The following SATB2 variants were observed in gnomAD, a reference collection of about 807,000 sequenced individuals.
SATB2 encodes the protein SATB homeobox 2, also known as DNA-binding protein SATB2.
SATB2 carries 1 observed loss-of-function variant against 73.4 expected under a neutral mutation model. That is an observed-to-expected ratio of 0.01 (90% CI 0.00 to 0.06). The LOEUF (loss-of-function observed/expected upper bound fraction) is 0.06, where lower values mean the gene tolerates loss of function less well. SATB2 is among the 10% of genes least tolerant of loss of function. SATB2 has a pLI of 1.00. For missense variants in SATB2, 459 were observed against 945.8 expected (o/e 0.49, Z 6.75); for synonymous variants, 397 against 367.0 (o/e 1.08, Z -0.93).
At chr2:199,452,024 G>C (rs1375394527) in intron 2 of SATB2, among the ~76,000 whole-genome samples, 1 of 151,830 alleles carries the variant, frequency 6.6e-6, no homozygotes, top group African/African-American at 2.4e-5. Context: ...AAATAAGCAA[G>C]TTTTTTTAAT....
intron 6 of SATB2, among the ~76,000 whole-genome samples, chr2:199,352,692 G>T (rs1688854633): frequency 6.6e-6 from 1 of 152,142 alleles, no homozygotes; most frequent in African/African-American, 2.4e-5. Context: ...AGCTGCAGAA[G>T]AACTAGGTGG....
intron 6 of SATB2, among the ~76,000 whole-genome samples, chr2:199,366,974 G>A (rs1209983655): frequency 1.3e-5 from 2 of 151,974 alleles, no homozygotes; most frequent in African/African-American, 2.4e-5. Context: ...AGAGTGAAGA[G>A]TTTCCAATCT....
At chr2:199,461,284 T>C (rs979289953), upstream of SATB2, among the ~76,000 whole-genome samples, 14 of 152,362 alleles carry the variant, frequency 9.2e-5, no homozygotes, top group African/African-American at 3.4e-4. Context: ...AATTTTTGTA[T>C]TGACCTTATT....
At chr2:199,280,028 C>T (rs1012991683) in intron 10 of SATB2, among the ~76,000 whole-genome samples, 1 of 152,206 alleles carries the variant, frequency 6.6e-6, no homozygotes, top group Non-Finnish European at 1.5e-5. Flanking sequence ...GTAATCCCAG[C>T]TACTTGGGTG....
intron 3 of SATB2, among the ~76,000 whole-genome samples, chr2:199,387,653 A>T (rs1690002816): frequency 6.6e-6 from 1 of 152,198 alleles, no homozygotes; most frequent in South Asian, 2.1e-4. Flanking sequence ...AATTCATACA[A>T]ATGTTAACAT....
chr2:199,406,973 T>C (rs1359648427), intron 3 of SATB2, among the ~76,000 whole-genome samples: 3 of 152,134 alleles, frequency 2.0e-5, no homozygotes, highest in African/African-American at 4.8e-5. Context: ...TCTCAATTAA[T>C]CCTTAAAACT....
rs775411126 is a variant in SATB2 at position 199,349,117 on chromosome 2, T to C, written c.757A>G (p.Met253Val). 12 of 1,614,074 alleles carry C rather than the reference T, an allele frequency of 7.4e-6. No individual in the cohort carries two copies. Among genetic ancestry groups the C allele is most frequent in the East Asian group, 2.2e-5 (1 of 44,872 alleles). The part of the protein sequence containing the change: ...SDYCVLGQRP[M>V]HLPNMNQLAS... ...AGCTGGTTCATATTTGGTAAATGCA[T>C]TGGACGCTGGCCCAGAACACAATAG... The change falls in exon 7 of 11, where the codon ATG becomes GTG. Residue 253 changes from methionine to valine, a missense_variant. This residue lies in a region of SATB2 where 77 missense variants were observed against 90.4 expected (regional missense o/e 0.85). Transcript: ENST00000417098.
At chr2:199,460,778 A>G (rs1692457785), upstream of SATB2, among the ~76,000 whole-genome samples, 1 of 152,248 alleles carries the variant, frequency 6.6e-6, no homozygotes, top group East Asian at 1.9e-4. The surrounding 1 kb of genome is among the most constrained non-coding windows in gnomAD (Gnocchi z 4.0). Context: ...ACACGGCTGT[A>G]TTGTTAATCG....
At chr2:199,280,872 G>A (rs1692468359) in intron 10 of SATB2, among the ~76,000 whole-genome samples, 1 of 152,136 alleles carries the variant, frequency 6.6e-6, no homozygotes, top group African/African-American at 2.4e-5. Flanking sequence ...TTATTACCTT[G>A]TGAAGCATGT....
chr2:199,402,132 A>G (rs2105893650), intron 3 of SATB2, among the ~76,000 whole-genome samples: 1 of 152,254 alleles, frequency 6.6e-6, no homozygotes, highest in Non-Finnish European at 1.5e-5. Flanking sequence ...CACACCCGTA[A>G]TCCCAGCACT....
chr2:199,358,782 C>T (rs943250513), intron 6 of SATB2, among the ~76,000 whole-genome samples: 3 of 152,104 alleles, frequency 2.0e-5, no homozygotes, highest in East Asian at 1.9e-4. Context: ...AATGTGGACA[C>T]CTCTGTTTCT....
intron 3 of SATB2, among the ~76,000 whole-genome samples, chr2:199,402,095 A>T (rs1215315133): frequency 6.6e-6 from 1 of 152,084 alleles, no homozygotes; most frequent in Non-Finnish European, 1.5e-5. Flanking sequence ...TCAAGATTTG[A>T]TACATTATTG....
intron 9 of SATB2, among the ~76,000 whole-genome samples, chr2:199,320,690 C>T (rs1394164887): frequency 6.6e-6 from 1 of 152,116 alleles, no homozygotes; most frequent in Non-Finnish European, 1.5e-5. Context: ...TTTCTGAACC[C>T]CTATCCTTGC....
intron 10 of SATB2, among the ~76,000 whole-genome samples, chr2:199,273,728 T>G (rs901339241): frequency 7.2e-5 from 11 of 152,014 alleles, no homozygotes; most frequent in South Asian, 4.2e-4. Flanking sequence ...AATTTCTGGG[T>G]TTTTTTTCTC....
chr2:199,379,204 G>A (rs1397001952), intron 5 of SATB2, among the ~76,000 whole-genome samples: 1 of 152,108 alleles, frequency 6.6e-6, no homozygotes, highest in African/African-American at 2.4e-5. Flanking sequence ...GAACACAAAT[G>A]GAAAAGGCAG....
At chr2:199,381,905 T>A in intron 3 of SATB2, 85 bp from the exon 4 acceptor site, 1 of 1,469,620 alleles carries the variant, frequency 6.8e-7, no homozygotes, top group Non-Finnish European at 9.4e-7. Flanking sequence ...AGAAGGTCAT[T>A]CAATCATCAA....
chr2:199,289,215 AC>A (rs11321977), intron 10 of SATB2, among the ~76,000 whole-genome samples: 116,373 of 151,974 alleles, frequency 0.77, 47,113 homozygotes, highest in Non-Finnish European at 0.89. Flanking sequence ...GTATGGACAG[AC>A]TTTTGCTTCT....
upstream of SATB2, among the ~76,000 whole-genome samples, chr2:199,461,751 A>T (rs565030096): frequency 3.9e-5 from 6 of 152,312 alleles, no homozygotes. Flanking sequence ...CGGATTTGTT[A>T]TTTTAAAAAT....
rs1185831864 is a variant in SATB2 at position 199,420,743 on chromosome 2, T to C, written c.346+12595A>G. Among the ~76,000 whole-genome samples the C allele has an allele frequency of 6.6e-5, 10 of 152,134 alleles. No individual in the cohort carries two copies. In the East Asian group the frequency reaches 1.9e-3, roughly 29 times the overall value. ...TGCATTAGTTTGAAGTGCAAATGGG[T>C]GCATTTTAATATCTAGTGGGGGTCA... On this transcript the variant is annotated intron_variant, in intron 3 of 10. Transcript: ENST00000417098.
Sources: gnomAD v4.1 joint callset for allele counts (sites outside exome capture counted in the v4.1 genomes callset) on GRCh38, gnomAD v4.1.1 for gene constraint, gnomAD v4.1.1 regional missense constraint, Gnocchi (gnomAD v3.1) non-coding constraint, MANE v1.5 for transcripts, NCBI Gene and HGNC (gene_info 2026-07-23, HGNC 2026-07-21) for gene names.